Variants in GNB4 observed in about 807,000 individuals in gnomAD.
GNB4 encodes the protein guanine nucleotide-binding protein subunit beta-4.
In GNB4, 28 loss-of-function variants were observed where a neutral mutation model predicts 45.2. That is an observed-to-expected ratio of 0.62 (90% CI 0.46 to 0.85). The LOEUF (loss-of-function observed/expected upper bound fraction) is 0.85. Ranked by LOEUF, GNB4 falls within the 40% of genes least tolerant of loss-of-function variation. The probability of loss-of-function intolerance (pLI) is 0.00; values close to 1 mark genes in which losing one functional copy is unlikely to be tolerated. For missense variants in GNB4, 321 were observed against 425.4 expected, an observed-to-expected ratio of 0.75 and a Z score of 2.16; for synonymous variants, 132 against 143.7, an observed-to-expected ratio of 0.92 and a Z score of 0.58.
the GNB4 span, among the ~76,000 whole-genome samples, chr3:179,521,184 A>ATC: frequency 3.2e-4 from 49 of 152,330 alleles, no homozygotes; most frequent in African/African-American, 1.1e-3. Context: ...CCCTTCTGTC[A>ATC]GACATAATTC....
upstream of GNB4, among the ~76,000 whole-genome samples, chr3:179,454,135 G>T (rs1175929324): frequency 1.3e-5 from 2 of 152,192 alleles, no homozygotes; most frequent in Admixed American, 6.5e-5. Context: ...TACTTCTGAG[G>T]ATTAAGCCCC....
At chr3:179,455,321 C>T (rs1024825863), upstream of GNB4, among the ~76,000 whole-genome samples, 3 of 152,058 alleles carry the variant, frequency 2.0e-5, no homozygotes, top group South Asian at 2.1e-4. Flanking sequence ...TTCAGGTCCC[C>T]GGAAAGGGAC....
the GNB4 span, among the ~76,000 whole-genome samples, chr3:179,509,653 CT>C: frequency 0.011 from 1,565 of 141,314 alleles, 20 homozygotes; most frequent in African/African-American, 0.033. Flanking sequence ...TCCCTTCCCT[CT>C]TTTTTTTTTT....
chr3:179,413,880 G>A, intron 6 of GNB4, 99 bp from the exon 7 acceptor site: 1 of 858,506 alleles, frequency 1.2e-6, no homozygotes, highest in Non-Finnish European at 1.8e-6. Context: ...AGAATACTTG[G>A]GCAACAAGTG....
At chr3:179,427,605 TAAAAA>T (rs67400722) in intron 1 of GNB4, among the ~76,000 whole-genome samples, 34 of 129,722 alleles carry the variant, frequency 2.6e-4, no homozygotes, top group Admixed American at 4.0e-4. Context: ...ACTCTGGCTT[TAAAAA>T]AAAAAAAAAA....
the GNB4 span, among the ~76,000 whole-genome samples, chr3:179,522,618 G>A: frequency 3.3e-5 from 5 of 152,196 alleles, no homozygotes; most frequent in African/African-American, 9.6e-5. Context: ...AATAATAGAT[G>A]TGGAAGATAC....
rs1349281346 is a variant in GNB4 at position 179,400,555 on chromosome 3, T to C, written c.*658A>G. ...ATGTTTCTTATGTATGTCCAAAATATCAGTGAAATCTCTAATCTCTGGCCT... is the reference window on the plus strand; with the variant it reads ...ATGTTTCTTATGTATGTCCAAAATACCAGTGAAATCTCTAATCTCTGGCCT... On this transcript the variant is annotated 3_prime_UTR_variant, in exon 10 of 10. Coordinates refer to ENST00000232564, the MANE Select transcript of GNB4 (RefSeq NM_021629.4). 1.3e-5 allele frequency: 2 copies of C among 152,222 alleles called. No individual in the cohort carries two copies. Among genetic ancestry groups the C allele is most frequent in the African/African-American group, 4.8e-5 (2 of 41,456 alleles). 9.4% of individuals were successfully genotyped at this position (152,222 alleles called of 1,614,324 possible). A position where few individuals can be genotyped will look rare whatever the true frequency, so the allele number is the denominator to read the frequency against.
chr3:179,501,326 T>C, the GNB4 span, among the ~76,000 whole-genome samples: 1 of 148,732 alleles, frequency 6.7e-6, no homozygotes, highest in Admixed American at 6.8e-5. Flanking sequence ...TGAGACAGTC[T>C]CTAACTCTGT....
At chr3:179,459,462 T>A in the GNB4 span, among the ~76,000 whole-genome samples, 1 of 151,838 alleles carries the variant, frequency 6.6e-6, no homozygotes, top group Non-Finnish European at 1.5e-5. Flanking sequence ...GTGGGCGGAT[T>A]ATCTGAGGTC....
At chr3:179,428,972 A>C (rs113494390) in intron 1 of GNB4, among the ~76,000 whole-genome samples, 14 of 152,338 alleles carry the variant, frequency 9.2e-5, no homozygotes, top group African/African-American at 3.4e-4. Context: ...AGGTACCATG[A>C]ATAGAAATGG....
chr3:179,402,882 C>A (rs571438344), intron 9 of GNB4, among the ~76,000 whole-genome samples: 1 of 152,278 alleles, frequency 6.6e-6, no homozygotes, highest in East Asian at 1.9e-4. Flanking sequence ...ACAGATCATC[C>A]TGCGCTGTGG....
chr3:179,452,658 C>T (rs1031653730), upstream of GNB4, among the ~76,000 whole-genome samples: 2 of 151,978 alleles, frequency 1.3e-5, no homozygotes, highest in Non-Finnish European at 2.9e-5. Context: ...TGTATAAAAG[C>T]CAGGCCGTGA....
the GNB4 span, among the ~76,000 whole-genome samples, chr3:179,493,232 A>G: frequency 2.6e-5 from 4 of 152,224 alleles, no homozygotes; most frequent in African/African-American, 9.6e-5. Flanking sequence ...CTCCAAAGAA[A>G]TGAAGAGCTA....
chr3:179,495,344 G>A, the GNB4 span, among the ~76,000 whole-genome samples: 1 of 151,966 alleles, frequency 6.6e-6, no homozygotes, highest in Non-Finnish European at 1.5e-5. Context: ...AGGTATGGTG[G>A]CATGTACATG....
chr3:179,521,189 T>C, the GNB4 span, among the ~76,000 whole-genome samples: 2 of 152,192 alleles, frequency 1.3e-5, no homozygotes, highest in African/African-American at 4.8e-5. Context: ...CTGTCAGACA[T>C]AATTCCTCGG....
At position 179,416,568 on chromosome 3, in the gene GNB4, A is replaced by C; in HGVS notation, c.204-12T>G. 2 of 1,569,038 alleles carry C rather than the reference A, an allele frequency of 1.3e-6. No homozygotes were observed. The highest frequency in any genetic ancestry group is 1.7e-6 in the Non-Finnish European group (2 of 1,153,154). On this transcript the variant is annotated splice_polypyrimidine_tract_variant and intron_variant, in intron 4 of 9. Coordinates refer to ENST00000232564, the MANE Select transcript of GNB4 (RefSeq NM_021629.4). ...CACTGACTAGCAGCCTAGAGGAACAAACACAAAAATAATTTGACACTTAGA... is the reference window on the plus strand; with the variant it reads ...CACTGACTAGCAGCCTAGAGGAACACACACAAAAATAATTTGACACTTAGA...
the GNB4 span, among the ~76,000 whole-genome samples, chr3:179,474,866 C>A: frequency 6.6e-6 from 1 of 150,628 alleles, no homozygotes; most frequent in South Asian, 2.1e-4. Context: ...ATCCTTCCAC[C>A]TTGCCCTCCC....
chr3:179,519,416 T>C, the GNB4 span, among the ~76,000 whole-genome samples: 2 of 152,156 alleles, frequency 1.3e-5, no homozygotes, highest in Middle Eastern at 3.4e-3. Flanking sequence ...GGAGGGTAAG[T>C]CCATCCCCTT....
At chr3:179,508,930 G>GTATATATATATATATATATA in the GNB4 span, among the ~76,000 whole-genome samples, 1,905 of 46,038 alleles carry the variant, frequency 0.041, 67 homozygotes, top group Admixed American at 0.066. Flanking sequence ...CTTTCAGCAT[G>GTATATATATATATATATATA]TGTATATATA....
Sources: allele counts gnomAD v4.1 joint callset (sites outside exome capture counted in the v4.1 genomes callset), GRCh38; gene constraint gnomAD v4.1.1; transcripts MANE v1.5; gene names NCBI Gene and HGNC (gene_info 2026-07-23, HGNC 2026-07-21).